The following FHOD3 variants were observed in gnomAD, a reference collection of about 807,000 sequenced individuals.
FHOD3 encodes formin homology 2 domain containing 3.
Under a neutral mutation model 173.0 loss-of-function variants are expected in FHOD3, and 90 were observed. The observed-to-expected ratio is 0.52, with a 90% CI of 0.44 to 0.62. FHOD3 has a LOEUF of 0.62. Among genes scored for constraint, FHOD3 ranks in the 20% least tolerant of loss-of-function variants. The pLI is 0.00. For synonymous variants in FHOD3, 828 were observed against 823.0 expected (o/e 1.01, Z -0.10); for missense variants, 1,945 against 2,034.7 (o/e 0.96, Z 0.85).
chr18:36,717,486 T>C (rs1428043336), intron 18 of FHOD3, among the ~76,000 whole-genome samples: 1 of 152,092 alleles, frequency 6.6e-6, no homozygotes, highest in Admixed American at 6.5e-5. Flanking sequence ...TGCCTCCCTA[T>C]CTCAAGTTAG....
intron 14 of FHOD3, among the ~76,000 whole-genome samples, chr18:36,664,453 A>C (rs1434124261): frequency 6.6e-6 from 1 of 152,132 alleles, no homozygotes; most frequent in Non-Finnish European, 1.5e-5. Context: ...GGTCCTTATT[A>C]ATTGATTGCG....
chr18:36,596,041 T>C lies in FHOD3; in HGVS notation c.718+1143T>C, dbSNP rs529672938. Among the ~76,000 whole-genome samples, 6 of 152,362 alleles carry C rather than the reference T, an allele frequency of 3.9e-5. No homozygotes were observed. In the East Asian group the frequency reaches 1.2e-3, roughly 29 times the overall value. On this transcript the variant is annotated intron_variant, in intron 7 of 28. Coordinates refer to ENST00000590592, the MANE Select transcript of FHOD3 (RefSeq NM_001281740.3). ...GTATATTTCCTTATAGTTGTGTGTGTGTGTGCGTGCACACTATGCATAAAC... is the reference window on the plus strand; with the variant it reads ...GTATATTTCCTTATAGTTGTGTGTGCGTGTGCGTGCACACTATGCATAAAC...
chr18:36,360,040 A>G (rs2046534224), intron 2 of FHOD3, among the ~76,000 whole-genome samples: 1 of 152,224 alleles, frequency 6.6e-6, no homozygotes, highest in South Asian at 2.1e-4. Context: ...GTTTGCCCAC[A>G]GGGCTGAGCT....
At chr18:36,429,387 G>T (rs1299687271) in intron 3 of FHOD3, among the ~76,000 whole-genome samples, 1 of 152,184 alleles carries the variant, frequency 6.6e-6, no homozygotes, top group East Asian at 1.9e-4. Flanking sequence ...CCCCAGCAAT[G>T]GGTGTAGAAA....
chr18:36,371,244 T>A (rs1260472939), intron 2 of FHOD3, among the ~76,000 whole-genome samples: 2 of 152,214 alleles, frequency 1.3e-5, no homozygotes, highest in Admixed American at 1.3e-4. Context: ...GGGTTTCCTA[T>A]TTTCTTTAAA....
intron 3 of FHOD3, among the ~76,000 whole-genome samples, chr18:36,498,841 T>G (rs1450850829): frequency 6.6e-6 from 1 of 152,228 alleles, no homozygotes; most frequent in Admixed American, 6.5e-5. Flanking sequence ...GATTTTTTTC[T>G]AATATTTAAT....
At chr18:36,421,563 T>C (rs771379799) in intron 3 of FHOD3, among the ~76,000 whole-genome samples, 2 of 152,214 alleles carry the variant, frequency 1.3e-5, no homozygotes, top group South Asian at 4.1e-4. Context: ...ACTTTTTTTC[T>C]CTCTTTAGAA....
chr18:36,366,186 A>G (rs1461815778), intron 2 of FHOD3, among the ~76,000 whole-genome samples: 2 of 152,182 alleles, frequency 1.3e-5, no homozygotes, highest in African/African-American at 4.8e-5. Context: ...AAAAGCATCA[A>G]ATAGTAACAA....
intron 1 of FHOD3, among the ~76,000 whole-genome samples, chr18:36,306,987 G>A (rs1468298999): frequency 2.0e-5 from 3 of 152,090 alleles, no homozygotes; most frequent in Non-Finnish European, 2.9e-5. Context: ...TTTCTGAGAC[G>A]GAGTCTTGCT....
At chr18:36,317,981 A>G (rs144160082) in intron 1 of FHOD3, among the ~76,000 whole-genome samples, 4,831 of 152,198 alleles carry the variant, frequency 0.032, 105 homozygotes, top group South Asian at 0.06. Context: ...TATTAAATAG[A>G]GAATCCTTTC....
At chr18:36,450,481 TTA>T (rs200500873) in intron 3 of FHOD3, among the ~76,000 whole-genome samples, 1 of 126,312 alleles carries the variant, frequency 7.9e-6, no homozygotes, top group East Asian at 3.5e-4. Context: ...ATTTATTTAT[TTA>T]TTTAATTTTT....
At chr18:36,538,856 G>A (rs2057095442) in intron 5 of FHOD3, among the ~76,000 whole-genome samples, 1 of 152,186 alleles carries the variant, frequency 6.6e-6, no homozygotes, top group African/African-American at 2.4e-5. Flanking sequence ...CTTGACTGGG[G>A]TGGTAGTTAC....
In FHOD3 at chr18:36,560,842, GT is replaced by G. The variant is rs1318480145; in HGVS notation, c.512-15597del. On this transcript the variant is annotated intron_variant, in intron 5 of 28. Transcript: ENST00000590592. The stretch of plus-strand genomic sequence containing the variant: ...AGAGCAGCTGTTTTTTTTTTTTTCT[GT>G]TTTTTTTTTTTGTTTCTTTGTTTAA... 9.5e-3 allele frequency among the ~76,000 whole-genome samples: 1,213 copies of G among 127,492 alleles called. 5 individuals carry two copies. The highest frequency in any genetic ancestry group is 0.023 in the Middle Eastern group (6 of 258). 83.6% of individuals were successfully genotyped at this position (127,492 alleles called of 152,430 possible). A position where few individuals can be genotyped will look rare whatever the true frequency, so the allele number is the denominator to read the frequency against.
At chr18:36,773,826 A>G (rs2043503998) in intron 28 of FHOD3, among the ~76,000 whole-genome samples, 1 of 152,102 alleles carries the variant, frequency 6.6e-6, no homozygotes, top group Non-Finnish European at 1.5e-5. Flanking sequence ...AGTAGCCCAG[A>G]CAGATCTTCA....
intron 19 of FHOD3, among the ~76,000 whole-genome samples, chr18:36,722,271 T>C (rs1177639718): frequency 2.0e-5 from 3 of 152,198 alleles, no homozygotes; most frequent in African/African-American, 4.8e-5. Context: ...TGAGACTTCC[T>C]TGGGCTTGAC....
chr18:36,584,292 G>C (rs1033176452), intron 6 of FHOD3, among the ~76,000 whole-genome samples: 1 of 152,152 alleles, frequency 6.6e-6, no homozygotes, highest in African/African-American at 2.4e-5. Context: ...TATATGATGG[G>C]CTCAAGAAAA....
At chr18:36,492,413 G>C (rs1030167866) in intron 3 of FHOD3, among the ~76,000 whole-genome samples, 2 of 151,970 alleles carry the variant, frequency 1.3e-5, no homozygotes, top group African/African-American at 4.8e-5. Context: ...AAAAAGTATT[G>C]GGCAAAAGTT....
chr18:36,746,790 C>G (rs576138590), intron 23 of FHOD3, among the ~76,000 whole-genome samples, 155 bp from the exon 24 acceptor site: 2 of 152,272 alleles, frequency 1.3e-5, no homozygotes, highest in East Asian at 3.9e-4. Flanking sequence ...ATGACAGATA[C>G]ACATGTGAAT....
intron 1 of FHOD3, among the ~76,000 whole-genome samples, chr18:36,308,676 C>T (rs1341704709): frequency 1.3e-5 from 2 of 152,190 alleles, no homozygotes; most frequent in Non-Finnish European, 2.9e-5. Context: ...GTCCCTCCAC[C>T]AGATGTAAAG....
Sources: gnomAD v4.1 joint callset for allele counts (sites outside exome capture counted in the v4.1 genomes callset) on GRCh38, gnomAD v4.1.1 for gene constraint, MANE v1.5 for transcripts, NCBI Gene and HGNC (gene_info 2026-07-23, HGNC 2026-07-21) for gene names.